Variants in CAMTA1 observed in about 807,000 individuals in gnomAD.
CAMTA1 encodes calmodulin binding transcription activator 1.
Under a neutral mutation model 170.9 loss-of-function variants are expected in CAMTA1, and 27 were observed. That is an observed-to-expected ratio of 0.16 (90% CI 0.12 to 0.22). The LOEUF is 0.22. CAMTA1 is among the 10% of genes least tolerant of loss of function. The pLI, the probability that CAMTA1 is intolerant of heterozygous loss-of-function variation, is 1.00. For synonymous variants in CAMTA1, 833 were observed against 891.5 expected (o/e 0.93, Z 1.17); for missense variants, 1,619 against 2,217.2 (o/e 0.73, Z 5.42).
chr1:7,056,266 A>G (rs77769596), intron 3 of CAMTA1, among the ~76,000 whole-genome samples: 4 of 152,190 alleles, frequency 2.6e-5, no homozygotes, highest in Non-Finnish European at 5.9e-5. Flanking sequence ...GCACAGTTTT[A>G]TGGCCTCTTT....
At chr1:7,192,950 A>G (rs1452165478) in intron 4 of CAMTA1, among the ~76,000 whole-genome samples, 1 of 152,208 alleles carries the variant, frequency 6.6e-6, no homozygotes, top group Non-Finnish European at 1.5e-5. Flanking sequence ...TTCATTATGC[A>G]GAGAGCTTGT....
intron 3 of CAMTA1, among the ~76,000 whole-genome samples, chr1:6,948,399 T>G (rs1316665388): frequency 4.6e-5 from 7 of 152,202 alleles, no homozygotes; most frequent in Non-Finnish European, 5.9e-5. Flanking sequence ...CATATGTACA[T>G]GCGTAGGTAA....
intron 5 of CAMTA1, among the ~76,000 whole-genome samples, chr1:7,460,187 C>G (rs34328009): frequency 0.3 from 46,249 of 152,264 alleles, 7,512 homozygotes; most frequent in African/African-American, 0.38. Flanking sequence ...GAGGGGCCCG[C>G]CGTCCTCTCC....
intron 3 of CAMTA1, among the ~76,000 whole-genome samples, chr1:6,867,705 A>AT (rs1290834665): frequency 1.3e-5 from 2 of 152,154 alleles, no homozygotes; most frequent in African/African-American, 4.8e-5. Flanking sequence ...GCTCAAGTGC[A>AT]TTTTTTTGTT....
chr1:6,798,151 A>G (rs1642985832), intron 1 of CAMTA1, among the ~76,000 whole-genome samples: 1 of 151,854 alleles, frequency 6.6e-6, no homozygotes, highest in African/African-American at 2.4e-5. Flanking sequence ...GCTGAACACC[A>G]CGCTGGGCTA....
intron 11 of CAMTA1, among the ~76,000 whole-genome samples, chr1:7,711,052 C>T (rs755208858): frequency 1.3e-5 from 2 of 152,100 alleles, no homozygotes; most frequent in African/African-American, 2.4e-5. Context: ...TAACAAAGTA[C>T]CATGGACAGG....
At chr1:7,550,525 TC>T (rs1383711229) in intron 6 of CAMTA1, among the ~76,000 whole-genome samples, 1 of 146,500 alleles carries the variant, frequency 6.8e-6, no homozygotes, top group East Asian at 2.1e-4. Flanking sequence ...TCGCCCTCTG[TC>T]CCCTCCCCAT....
chr1:7,547,123 C>T lies in CAMTA1; in HGVS notation c.510+79222C>T, dbSNP rs1181429618. Among the ~76,000 whole-genome samples, 1 of 152,140 alleles carries T rather than the reference C, an allele frequency of 6.6e-6. No individual in the cohort carries two copies. Among genetic ancestry groups the T allele is most frequent in the East Asian group, 1.9e-4 (1 of 5,208 alleles). On this transcript the variant is annotated intron_variant, in intron 6 of 22. Transcript: ENST00000303635. This position sits in a 1 kb window ranked among gnomAD's most constrained non-coding sequence, Gnocchi z 5.7. ...GGTGGACCTCCATTCAAGCTGGTTT[C>T]TGGGTCATTTGATATAAGCCCAATC... is the stretch of plus-strand genomic sequence containing the variant.
At chr1:6,862,471 T>C (rs1485489836) in intron 3 of CAMTA1, among the ~76,000 whole-genome samples, 2 of 152,256 alleles carry the variant, frequency 1.3e-5, no homozygotes, top group South Asian at 2.1e-4. Flanking sequence ...AATAATGCCA[T>C]GAACATAGGT....
At chr1:7,342,244 C>T (rs562376636) in intron 5 of CAMTA1, among the ~76,000 whole-genome samples, 6 of 152,264 alleles carry the variant, frequency 3.9e-5, no homozygotes, top group East Asian at 3.9e-4. Flanking sequence ...CCAGGCTCCA[C>T]GACCTGTCCA....
intron 3 of CAMTA1, among the ~76,000 whole-genome samples, chr1:6,870,127 C>G (rs1056278221): frequency 1.3e-5 from 2 of 152,150 alleles, no homozygotes; most frequent in African/African-American, 4.8e-5. Flanking sequence ...TCGTGTTACA[C>G]TACTCGCTTC....
At position 7,094,744 on chromosome 1, in the gene CAMTA1, C is replaced by T. The variant is rs908731532; in HGVS notation, c.302+3373C>T. Among the ~76,000 whole-genome samples, 6 of 152,132 alleles carry T rather than the reference C, an allele frequency of 3.9e-5. No homozygotes were observed. The East Asian group carries it at 7.7e-4, about 20-fold the overall frequency. ...GGGACCCTGGGGGCAGCCGCGGTAT[C>T]GCAACAGAGCTGAATGCTGAACGTT... On this transcript the variant is annotated intron_variant, in intron 4 of 22. Coordinates refer to ENST00000303635, the MANE Select transcript of CAMTA1 (RefSeq NM_015215.4).
intron 4 of CAMTA1, among the ~76,000 whole-genome samples, chr1:7,198,729 T>G (rs1656055924): frequency 6.6e-6 from 1 of 152,068 alleles, no homozygotes; most frequent in African/African-American, 2.4e-5. Context: ...ATAGCTTCCC[T>G]TGTTCCTTCA....
chr1:7,701,590 T>C (rs57092855), intron 11 of CAMTA1, among the ~76,000 whole-genome samples: 1 of 151,448 alleles, frequency 6.6e-6, no homozygotes, highest in African/African-American at 2.4e-5. Context: ...TAATTTTTTT[T>C]AAAAAAAATT....
intron 6 of CAMTA1, among the ~76,000 whole-genome samples, chr1:7,484,898 C>A (rs1438256479): frequency 6.6e-6 from 1 of 152,162 alleles, no homozygotes; most frequent in Non-Finnish European, 1.5e-5. Flanking sequence ...AAGACCCCGT[C>A]CTAGGCTCTC....
At chr1:6,969,846 A>G (rs1412615214) in intron 3 of CAMTA1, among the ~76,000 whole-genome samples, 5 of 152,298 alleles carry the variant, frequency 3.3e-5, no homozygotes, top group Admixed American at 3.3e-4. Flanking sequence ...AAGAGAGTTC[A>G]GGGGGCCTCA....
rs77841660 is a variant in CAMTA1, at chr1:6,997,168, G to A, written c.235-94136G>A. Among the ~76,000 whole-genome samples, 369 of 152,210 alleles carry A rather than the reference G, an allele frequency of 2.4e-3. 1 individual carries two copies. The highest frequency in any genetic ancestry group is 7.4e-3 in the African/African-American group (308 of 41,534). On this transcript the variant is annotated intron_variant, in intron 3 of 22. Transcript: ENST00000303635. ...TAATTTTTTTGTGAATGTTCTACAC[G>A]TACTCAAAAAGGATGTGCATTCTCT... is the stretch of plus-strand genomic sequence containing the variant.
At chr1:6,816,576 G>A (rs889115886) in intron 1 of CAMTA1, among the ~76,000 whole-genome samples, 7 of 152,210 alleles carry the variant, frequency 4.6e-5, no homozygotes, top group Non-Finnish European at 1.0e-4. Flanking sequence ...ATCAGCGGGG[G>A]AGGTGCTTGA....
chr1:6,820,700 C>A (rs1180874482), intron 2 of CAMTA1, among the ~76,000 whole-genome samples: 1 of 152,070 alleles, frequency 6.6e-6, no homozygotes, highest in Non-Finnish European at 1.5e-5. Flanking sequence ...GTAATTAAGC[C>A]CTTGTGTTTT....
Sources: gnomAD v4.1 joint callset for allele counts (sites outside exome capture counted in the v4.1 genomes callset) on GRCh38, gnomAD v4.1.1 for gene constraint, Gnocchi (gnomAD v3.1) non-coding constraint, MANE v1.5 for transcripts, NCBI Gene and HGNC (gene_info 2026-07-23, HGNC 2026-07-21) for gene names.